The following C6 variants were observed in gnomAD, a reference collection of about 807,000 sequenced individuals.
C6 encodes the protein complement component C6.
Under a neutral mutation model 112.9 loss-of-function variants are expected in C6, and 101 were observed. That is an observed-to-expected ratio of 0.89 (90% confidence interval 0.76 to 1.06). C6 has a LOEUF of 1.06. Among genes scored for constraint, C6 ranks in the 50% least tolerant of loss-of-function variants. C6 has a pLI of 0.00. For missense variants in C6, 1,202 were observed against 1,104.6 expected, an observed-to-expected ratio of 1.09 and a Z score of -1.25; for synonymous variants, 431 against 384.1, an observed-to-expected ratio of 1.12 and a Z score of -1.43.
chr5:41,182,212 A>G (rs1333536370), intron 6 of C6, among the ~76,000 whole-genome samples: 1 of 151,382 alleles, frequency 6.6e-6, no homozygotes, highest in Non-Finnish European at 1.5e-5. Context: ...GTAAATATAA[A>G]TGGTATCTGT....
At chr5:41,181,219 A>G (rs531260460) in intron 7 of C6, 140 bp downstream of exon 7, 1 of 745,256 alleles carries the variant, frequency 1.3e-6, no homozygotes, top group East Asian at 2.7e-5. Flanking sequence ...GAGATATAAC[A>G]AAAAATGGAA....
At chr5:41,144,143 A>G (rs1189370572) in intron 17 of C6, among the ~76,000 whole-genome samples, 1 of 152,128 alleles carries the variant, frequency 6.6e-6, no homozygotes, top group African/African-American at 2.4e-5. Context: ...CTCCTATGTC[A>G]TCTGCCTCTT....
At chr5:41,257,474 T>TC (rs1234500902) in intron 1 of C6, among the ~76,000 whole-genome samples, 1 of 152,190 alleles carries the variant, frequency 6.6e-6, no homozygotes, top group Non-Finnish European at 1.5e-5. Context: ...AGTGCTGTGA[T>TC]GAACATATGA....
chr5:41,179,346 C>A (rs771346937), intron 7 of C6, among the ~76,000 whole-genome samples: 1 of 152,130 alleles, frequency 6.6e-6, no homozygotes, highest in African/African-American at 2.4e-5. Flanking sequence ...AAATCACATA[C>A]GTGAAGCAAG....
intron 17 of C6, 35 bp downstream of exon 17, chr5:41,149,206 T>A (rs1746135833): frequency 8.7e-6 from 14 of 1,612,822 alleles, no homozygotes; most frequent in Non-Finnish European, 1.2e-5. Flanking sequence ...GAAGGTTAAG[T>A]GAGAGCATTT....
At chr5:41,212,753 T>G (rs1752027465) in intron 1 of C6, among the ~76,000 whole-genome samples, 1 of 152,194 alleles carries the variant, frequency 6.6e-6, no homozygotes, top group African/African-American at 2.4e-5. Flanking sequence ...CTCTTGAGTT[T>G]TCCAAAAATC....
At chr5:41,190,888 C>A (rs1446601784) in intron 5 of C6, among the ~76,000 whole-genome samples, 1 of 152,002 alleles carries the variant, frequency 6.6e-6, no homozygotes, top group Non-Finnish European at 1.5e-5. Flanking sequence ...ATCTTGGCAC[C>A]TTTGTCAAAA....
chr5:41,196,302 AAAACCTGTAACTTT>A (rs1242996938), intron 4 of C6, among the ~76,000 whole-genome samples: 3 of 151,890 alleles, frequency 2.0e-5, no homozygotes, highest in African/African-American at 7.3e-5. Flanking sequence ...TTTTTATTTA[AAAACCTGTAACTTT>A]ATAGACACAC....
At chr5:41,221,000 T>A (rs1224230441) in intron 1 of C6, among the ~76,000 whole-genome samples, 8 of 150,388 alleles carry the variant, frequency 5.3e-5, no homozygotes, top group Non-Finnish European at 1.2e-4. Context: ...TTCATTAAAA[T>A]GTTATCTTTT....
chr5:41,176,183 C>A (rs1748827255), intron 8 of C6, among the ~76,000 whole-genome samples: 1 of 152,108 alleles, frequency 6.6e-6, no homozygotes, highest in Non-Finnish European at 1.5e-5. Context: ...CTTTGGGTAA[C>A]CACTACTGTG....
rs1177244036 is a variant in C6 at position 41,236,311 on chromosome 5, C to T, written c.-21+24883G>A. ...TTCTACATATGGCTAGCCAGTTTTCCCAGCACCATTTATTAAATAGGGAAT... is the reference window on the plus strand; with the variant it reads ...TTCTACATATGGCTAGCCAGTTTTCTCAGCACCATTTATTAAATAGGGAAT... On this transcript the variant is annotated intron_variant, in intron 1 of 17. Coordinates refer to the C6 transcript ENST00000263413. 5.8e-5 allele frequency among the ~76,000 whole-genome samples: 8 copies of T among 138,764 alleles called. No homozygotes were observed. In the East Asian group the frequency reaches 1.7e-3, roughly 30 times the overall value. The allele number at this position is 138,764 out of a possible 152,430, so 91.0% of individuals were successfully genotyped here.
rs141740354 is a variant in C6, at chr5:41,149,403, C to T, written c.2461G>A (p.Glu821Lys). Residue 821 changes from glutamate (E) to lysine (K), a missense_variant, in exon 17 of 18, where the codon GAG becomes AAG. By Grantham distance (56) the Glu-to-Lys change is moderately conservative. Transcript: ENST00000337836. ...AGTTGCTGATTATTTAAACATTTCT[C>T]AGCCAAAAACTTACAAGCGGGTGAA... The part of the protein sequence containing the change: ...FTSPACKFLA[E>K]KCLNNQQLHF... 1.5e-5 allele frequency: 25 copies of T among 1,614,006 alleles called. No individual in the cohort carries two copies. The highest frequency in any genetic ancestry group is 1.9e-5 in the Non-Finnish European group (22 of 1,179,994).
At chr5:41,214,436 G>A (rs954383590), upstream of C6, among the ~76,000 whole-genome samples, 6 of 152,070 alleles carry the variant, frequency 3.9e-5, no homozygotes, top group African/African-American at 1.4e-4. Flanking sequence ...AATATACATG[G>A]TAGTAACTTT....
At chr5:41,145,657 T>A (rs151252856) in intron 17 of C6, among the ~76,000 whole-genome samples, 1 of 152,328 alleles carries the variant, frequency 6.6e-6, no homozygotes, top group Non-Finnish European at 1.5e-5. Flanking sequence ...ATCTTGCCCT[T>A]GGTAGGAAAC....
intron 1 of C6, chr5:41,261,149 A>G (rs1742028864): frequency 2.1e-6 from 2 of 975,468 alleles, no homozygotes; most frequent in African/African-American, 1.8e-5. Context: ...CCTCATATGC[A>G]TGCCCACCAA....
At chr5:41,228,783 CA>C (rs1267550392) in intron 1 of C6, among the ~76,000 whole-genome samples, 1 of 152,080 alleles carries the variant, frequency 6.6e-6, no homozygotes, top group African/African-American at 2.4e-5. Flanking sequence ...TATGGTAAAT[CA>C]TCCTTGCATC....
intron 1 of C6, among the ~76,000 whole-genome samples, chr5:41,211,554 C>A (rs965063322): frequency 2.6e-5 from 4 of 151,860 alleles, no homozygotes; most frequent in Admixed American, 2.0e-4. Flanking sequence ...TAATGTGAGT[C>A]CCAAACATTT....
intron 1 of C6, among the ~76,000 whole-genome samples, chr5:41,211,137 A>G (rs1034243134): frequency 1.3e-5 from 2 of 152,166 alleles, no homozygotes; most frequent in Admixed American, 1.3e-4. Flanking sequence ...TATCACAAGG[A>G]CAGAAAACCA....
chr5:41,160,429 C>T (rs781505094), intron 10 of C6, 62 bp from the exon 11 acceptor site: 777 of 1,245,816 alleles, frequency 6.2e-4, no homozygotes, highest in Non-Finnish European at 8.5e-4. Flanking sequence ...GTTGCCATTA[C>T]TGCCCAGTTC....
Sources: allele counts gnomAD v4.1 joint callset (sites outside exome capture counted in the v4.1 genomes callset), GRCh38; gene constraint gnomAD v4.1.1; transcripts MANE v1.5; gene names NCBI Gene and HGNC (gene_info 2026-07-23, HGNC 2026-07-21).